The following PDE4B variants were observed in gnomAD, a reference collection of about 807,000 sequenced individuals.
The protein encoded by PDE4B is phosphodiesterase 4B.
PDE4B carries 20 observed loss-of-function variants against 82.2 expected under a neutral mutation model. The ratio of observed to expected loss-of-function variants is 0.24; its 90% CI spans 0.17 to 0.35. The LOEUF is 0.35. Among genes scored for constraint, PDE4B ranks in the 10% least tolerant of loss-of-function variants. The probability of loss-of-function intolerance (pLI) is 1.00; values close to 1 mark genes in which losing one functional copy is unlikely to be tolerated. For missense variants in PDE4B, 655 were observed against 907.2 expected (o/e 0.72, Z 3.57); for synonymous variants, 320 against 318.9 (o/e 1.00, Z -0.04).
chr1:65,900,110 T>G (rs192375730), intron 1 of PDE4B, among the ~76,000 whole-genome samples: 156 of 152,246 alleles, frequency 1.0e-3, no homozygotes, highest in Middle Eastern at 3.4e-3. Context: ...ATTTAAATAT[T>G]TAATCAACCT....
At chr1:66,367,674 A>G (rs772398722) in intron 13 of PDE4B, 22 bp from the exon 14 acceptor site, 4 of 1,581,334 alleles carry the variant, frequency 2.5e-6, no homozygotes, top group Non-Finnish European at 3.5e-6. Flanking sequence ...TAATTAAGTC[A>G]TCATTTGGTC....
intron 3 of PDE4B, among the ~76,000 whole-genome samples, chr1:66,181,946 G>C (rs1414024474): frequency 6.6e-6 from 1 of 152,024 alleles, no homozygotes; most frequent in Non-Finnish European, 1.5e-5. Context: ...AAAAAAGATA[G>C]AGCAAAGACC....
At chr1:66,177,115 C>T (rs1300183606) in intron 3 of PDE4B, among the ~76,000 whole-genome samples, 1 of 152,162 alleles carries the variant, frequency 6.6e-6, no homozygotes, top group Non-Finnish European at 1.5e-5. Context: ...AACAGTGTGA[C>T]AAGGGAGGCA....
At position 66,096,511 on chromosome 1, in the gene PDE4B, TATA is replaced by T. The variant is rs1557557810; in HGVS notation, c.282-150948_282-150946del. Among the ~76,000 whole-genome samples the T allele has an allele frequency of 2.6e-3, 351 of 132,914 alleles. 3 individuals are homozygous for T. The highest frequency in any genetic ancestry group is 1.0e-2 in the African/African-American group (343 of 34,314). The allele number at this position is 132,914 out of a possible 152,430, so 87.2% of individuals were successfully genotyped here. A position where few individuals can be genotyped will look rare whatever the true frequency, so the allele number is the denominator to read the frequency against. ...AATGCGGTATAAGTAAAAAAAATTA[TATA>T]TATATATATATATATATATATATAT... On this transcript the variant is annotated intron_variant, in intron 3 of 16. Transcript: ENST00000341517.
chr1:65,973,218 G>A (rs945109370), intron 3 of PDE4B, among the ~76,000 whole-genome samples: 8 of 152,106 alleles, frequency 5.3e-5, no homozygotes, highest in African/African-American at 1.9e-4. Context: ...TCAACCCACA[G>A]ATAATTATGA....
At chr1:66,043,105 T>C (rs1296079497) in intron 3 of PDE4B, among the ~76,000 whole-genome samples, 2 of 151,766 alleles carry the variant, frequency 1.3e-5, no homozygotes, top group East Asian at 1.9e-4. Flanking sequence ...GATGGATCCA[T>C]GTGCCTACTG....
chr1:66,279,818 G>C (rs1241798143), intron 7 of PDE4B, among the ~76,000 whole-genome samples: 2 of 152,146 alleles, frequency 1.3e-5, no homozygotes, highest in African/African-American at 4.8e-5. Context: ...TTCTTTTCCA[G>C]GAAGCCACAG....
intron 1 of PDE4B, among the ~76,000 whole-genome samples, chr1:65,906,618 A>G (rs1647030763): frequency 6.6e-6 from 1 of 152,136 alleles, no homozygotes; most frequent in South Asian, 2.1e-4. Flanking sequence ...GGCATTATTT[A>G]CACAAGCAGA....
chr1:65,956,209 C>G (rs1557457277), intron 3 of PDE4B, among the ~76,000 whole-genome samples: 1 of 152,072 alleles, frequency 6.6e-6, no homozygotes, highest in African/African-American at 2.4e-5. Context: ...AAGTTGCAGT[C>G]TTACTACTGG....
intron 3 of PDE4B, among the ~76,000 whole-genome samples, chr1:66,179,865 C>G (rs980237099): frequency 6.6e-6 from 1 of 152,082 alleles, no homozygotes; most frequent in African/African-American, 2.4e-5. Flanking sequence ...CTTACGAGTT[C>G]GGAATCCAAT....
chr1:66,273,736 A>G (rs1163170263), intron 7 of PDE4B, among the ~76,000 whole-genome samples: 1 of 152,264 alleles, frequency 6.6e-6, no homozygotes, highest in Non-Finnish European at 1.5e-5. Context: ...CAAATGCTCA[A>G]TAAATGTTTA....
intron 3 of PDE4B, among the ~76,000 whole-genome samples, chr1:66,067,754 G>A (rs1655936293): frequency 6.6e-6 from 1 of 151,976 alleles, no homozygotes; most frequent in Non-Finnish European, 1.5e-5. Flanking sequence ...TAGACATGAA[G>A]TCCTTGCCCA....
At chr1:65,943,028 G>A (rs527697965) in intron 3 of PDE4B, among the ~76,000 whole-genome samples, 7 of 151,920 alleles carry the variant, frequency 4.6e-5, no homozygotes, top group African/African-American at 1.4e-4. Flanking sequence ...AATCCCAATT[G>A]TTTATTTTTG....
intron 3 of PDE4B, among the ~76,000 whole-genome samples, chr1:65,969,166 A>G (rs1486100909): frequency 1.3e-5 from 2 of 152,270 alleles, no homozygotes; most frequent in African/African-American, 4.8e-5. Context: ...TCTTGCTCAT[A>G]TGACACATTC....
At chr1:66,063,613 C>G (rs963565879) in intron 3 of PDE4B, among the ~76,000 whole-genome samples, 6 of 151,954 alleles carry the variant, frequency 3.9e-5, no homozygotes, top group African/African-American at 1.4e-4. Flanking sequence ...AAACATTTAT[C>G]ATTTCTTTAT....
chr1:66,220,921 G>A (rs1193486804), intron 3 of PDE4B, among the ~76,000 whole-genome samples: 1 of 152,086 alleles, frequency 6.6e-6, no homozygotes, highest in African/African-American at 2.4e-5. Flanking sequence ...GTAGTAAACA[G>A]ACATATTATT....
At chr1:66,013,248 A>G (rs993333533) in intron 3 of PDE4B, among the ~76,000 whole-genome samples, 26 of 152,100 alleles carry the variant, frequency 1.7e-4, no homozygotes, top group African/African-American at 6.3e-4. Flanking sequence ...TGAAATGATA[A>G]CTGATTTTGC....
At chr1:65,894,837 A>T (rs1198653358) in intron 1 of PDE4B, among the ~76,000 whole-genome samples, 1 of 152,184 alleles carries the variant, frequency 6.6e-6, no homozygotes, top group Non-Finnish European at 1.5e-5. Flanking sequence ...CTCCCACTAG[A>T]GTGGGTAAAA....
At chr1:66,361,135 A>C (rs1221734418) in intron 9 of PDE4B, among the ~76,000 whole-genome samples, 1 of 152,140 alleles carries the variant, frequency 6.6e-6, no homozygotes. Context: ...AATTTTTTTT[A>C]AGTAAAAATA....
Sources: gnomAD v4.1 joint callset for allele counts (sites outside exome capture counted in the v4.1 genomes callset) on GRCh38, gnomAD v4.1.1 for gene constraint, MANE v1.5 for transcripts, NCBI Gene and HGNC (gene_info 2026-07-23, HGNC 2026-07-21) for gene names.